The following RALYL variants were observed in gnomAD, a reference collection of about 807,000 sequenced individuals.
The protein encoded by RALYL is RALY RNA binding protein like.
In RALYL, 29 loss-of-function variants were observed where a neutral mutation model predicts 35.1. The ratio of observed to expected loss-of-function variants is 0.83; its 90% CI spans 0.61 to 1.13. RALYL has a LOEUF of 1.13. Ranked by LOEUF, RALYL falls within the 50% of genes most tolerant of loss-of-function variation. The pLI, the probability that RALYL is intolerant of heterozygous loss-of-function variation, is 0.00. For synonymous variants in RALYL, 120 were observed against 127.6 expected, an observed-to-expected ratio of 0.94 and a Z score of 0.40; for missense variants, 359 against 360.4, an observed-to-expected ratio of 1.00 and a Z score of 0.03.
chr8:84,299,266 A>G (rs1244064435), intron 1 of RALYL, among the ~76,000 whole-genome samples: 1 of 152,090 alleles, frequency 6.6e-6, no homozygotes, highest in African/African-American at 2.4e-5. Flanking sequence ...GTGATGAATC[A>G]CATTTATTCA....
intron 1 of RALYL, among the ~76,000 whole-genome samples, chr8:84,232,426 A>C (rs1271733173): frequency 1.4e-5 from 2 of 144,598 alleles, no homozygotes; most frequent in African/African-American, 5.8e-5. Context: ...ATAATGAGAT[A>C]TCATTTTAGC....
At chr8:84,845,813 GT>G (rs1304675827) in intron 4 of RALYL, among the ~76,000 whole-genome samples, 1 of 152,108 alleles carries the variant, frequency 6.6e-6, no homozygotes, top group African/African-American at 2.4e-5. Context: ...TCTTGAGTCA[GT>G]TTTTGTATAT....
chr8:84,885,718 G>A (rs926853730), intron 7 of RALYL, among the ~76,000 whole-genome samples: 1 of 152,082 alleles, frequency 6.6e-6, no homozygotes, highest in Non-Finnish European at 1.5e-5. Flanking sequence ...ATTATTTCCA[G>A]CCTTGGTTTG....
At chr8:84,343,640 A>AT (rs1027469014) in intron 1 of RALYL, among the ~76,000 whole-genome samples, 6 of 151,520 alleles carry the variant, frequency 4.0e-5, no homozygotes, top group African/African-American at 9.7e-5. Flanking sequence ...ATTTTATTTC[A>AT]TTTTTTTAAG....
At chr8:84,201,458 T>C (rs1482439729) in intron 1 of RALYL, among the ~76,000 whole-genome samples, 1 of 152,168 alleles carries the variant, frequency 6.6e-6, no homozygotes, top group African/African-American at 2.4e-5. Flanking sequence ...AGTATGAGTA[T>C]GAGTGTGAGT....
chr8:84,573,651 C>T (rs1252211), intron 2 of RALYL, among the ~76,000 whole-genome samples: 45,078 of 151,512 alleles, frequency 0.3, 7,531 homozygotes, highest in African/African-American at 0.46. Flanking sequence ...CTCCAATCCA[C>T]GTATGTTTAA....
intron 2 of RALYL, among the ~76,000 whole-genome samples, chr8:84,668,642 A>G (rs1019285990): frequency 1.3e-5 from 2 of 152,118 alleles, no homozygotes; most frequent in Non-Finnish European, 2.9e-5. Flanking sequence ...AGAGAGGCAT[A>G]TATTATGAGA....
chr8:84,407,907 A>G (rs2132113646), intron 1 of RALYL, among the ~76,000 whole-genome samples: 1 of 152,204 alleles, frequency 6.6e-6, no homozygotes, highest in South Asian at 2.1e-4. Flanking sequence ...GAAGAAATTG[A>G]GGTTTTGTAA....
intron 1 of RALYL, among the ~76,000 whole-genome samples, chr8:84,344,627 C>T (rs2130948248): frequency 6.6e-6 from 1 of 152,102 alleles, no homozygotes; most frequent in Non-Finnish European, 1.5e-5. Context: ...TTAAATCACA[C>T]TAACATATCT....
chr8:84,835,154 A>G (rs1831694495), intron 4 of RALYL, among the ~76,000 whole-genome samples: 1 of 152,210 alleles, frequency 6.6e-6, no homozygotes, highest in South Asian at 2.1e-4. Flanking sequence ...AGACGGTGAT[A>G]ATTAATGGAA....
At chr8:84,485,844 C>T (rs911000964) in intron 1 of RALYL, among the ~76,000 whole-genome samples, 3 of 152,030 alleles carry the variant, frequency 2.0e-5, no homozygotes, top group South Asian at 2.1e-4. Flanking sequence ...ATTATCATTA[C>T]GTCTTGTCTA....
intron 1 of RALYL, among the ~76,000 whole-genome samples, chr8:84,278,555 T>A (rs1484030345): frequency 6.6e-6 from 1 of 152,200 alleles, no homozygotes; most frequent in African/African-American, 2.4e-5. Flanking sequence ...GTGCCCAGTT[T>A]CCAAAATTCC....
At position 84,854,952 on chromosome 8, in the gene RALYL, G is replaced by T. The variant is rs570797399; in HGVS notation, c.413+4925G>T. ...GGGATATGGGCTGACAGGTGCTGGG[G>T]TCTTTGAGGGAGCGTGGAGTGGCTG... On this transcript the variant is annotated intron_variant, in intron 5 of 8. Transcript: ENST00000521268. 1.5e-4 allele frequency among the ~76,000 whole-genome samples: 23 copies of T among 152,230 alleles called. No homozygotes were observed. In the East Asian group the frequency reaches 4.3e-3, roughly 28 times the overall value.
At chr8:84,598,212 C>A (rs934484183) in intron 2 of RALYL, among the ~76,000 whole-genome samples, 1 of 152,126 alleles carries the variant, frequency 6.6e-6, no homozygotes, top group African/African-American at 2.4e-5. Context: ...TCTCACCCAA[C>A]CTGGGTTACA....
intron 1 of RALYL, among the ~76,000 whole-genome samples, chr8:84,301,379 A>G (rs1280493755): frequency 1.3e-5 from 2 of 152,088 alleles, no homozygotes; most frequent in Non-Finnish European, 2.9e-5. Flanking sequence ...GTCATCTTTT[A>G]TAGCATCACA....
At chr8:84,769,579 G>A (rs2634065) in intron 2 of RALYL, among the ~76,000 whole-genome samples, 34,880 of 151,928 alleles carry the variant, frequency 0.23, 4,221 homozygotes, top group Non-Finnish European at 0.25. Flanking sequence ...TGGCTAACAT[G>A]GTGAAACCCT....
Position 84,493,719 on chromosome 8 carries a change from T to C in RALYL, c.-23-35580T>C, listed in dbSNP as rs1341016953. On this transcript the variant is annotated intron_variant, in intron 1 of 8. Coordinates refer to ENST00000521268, the MANE Select transcript of RALYL (RefSeq NM_173848.7). ...TATGTTTGACCACATAAATGTCTTC[T>C]TTTGAGAAGTGTCTGTTCATGCCCT... Among the ~76,000 whole-genome samples the C allele has an allele frequency of 2.6e-5, 4 of 152,196 alleles. No individual in the cohort carries two copies. The East Asian group carries it at 7.7e-4, about 29-fold the overall frequency.
intron 1 of RALYL, among the ~76,000 whole-genome samples, chr8:84,409,863 T>C (rs1040656339): frequency 6.6e-6 from 1 of 151,972 alleles, no homozygotes; most frequent in Admixed American, 6.6e-5. Context: ...AAAGTAATAT[T>C]TCATCTTACA....
intron 1 of RALYL, among the ~76,000 whole-genome samples, chr8:84,452,752 T>C (rs2067891): frequency 0.03 from 4,516 of 152,058 alleles, 115 homozygotes; most frequent in Non-Finnish European, 0.038. Flanking sequence ...TGTATTTTTG[T>C]ACATTTCTTT....
Sources: gnomAD v4.1 joint callset for allele counts (sites outside exome capture counted in the v4.1 genomes callset) on GRCh38, gnomAD v4.1.1 for gene constraint, MANE v1.5 for transcripts, NCBI Gene and HGNC (gene_info 2026-07-23, HGNC 2026-07-21) for gene names.